BIK: variants seen among roughly 807,000 people sequenced by gnomAD.
The protein encoded by BIK is BCL2 interacting killer, also known as bcl-2-interacting killer.
A neutral mutation model predicts 12.1 loss-of-function variants in BIK; 14 were observed. That is an observed-to-expected ratio of 1.16 (90% CI 0.77 to 1.81). BIK has a LOEUF of 1.81. Among genes scored for constraint, BIK ranks in the 40% most tolerant of loss-of-function variants. The pLI is 0.00. For missense variants in BIK, 215 were observed against 207.9 expected (o/e 1.03, Z -0.21); for synonymous variants, 86 against 92.3 (o/e 0.93, Z 0.39).
chr22:43,127,655 C>T (rs1193791870), intron 2 of BIK, 42 bp from the exon 3 acceptor site: 2 of 1,515,322 alleles, frequency 1.3e-6, no homozygotes, highest in South Asian at 1.2e-5. Flanking sequence ...ATGTGGCCTC[C>T]ACGGCACAGC....
intron 2 of BIK, 84 bp downstream of exon 2, chr22:43,124,267 G>A (rs1239580670): frequency 6.6e-7 from 1 of 1,505,022 alleles, no homozygotes; most frequent in Non-Finnish European, 9.0e-7. Flanking sequence ...ATGAGCGGGG[G>A]AGCGCCTGCA....
Position 43,124,048 on chromosome 22 carries a change from G to T in BIK, c.26G>T (p.Arg9Ile), listed in dbSNP as rs1930266820. The change falls in exon 2 of 5, where the codon AGA (arginine) becomes ATA (isoleucine). Residue 9 changes from arginine to isoleucine, a missense_variant. By Grantham distance (97) the Arg-to-Ile change is moderately conservative. Coordinates refer to ENST00000216115, the MANE Select transcript of BIK (RefSeq NM_001197.5). ...ATGTCTGAAGTAAGACCCCTCTCCA[G>T]AGACATCTTGATGGAGACCCTCCTG... MSEVRPLS[R>I]DILMETLLYE... The T allele has an allele frequency of 6.2e-7, 1 of 1,614,030 alleles. No individual in the cohort carries two copies. Among genetic ancestry groups the T allele is most frequent in the South Asian group, 1.1e-5 (1 of 91,080 alleles).
chr22:43,121,903 G>A (rs543043875), intron 1 of BIK, among the ~76,000 whole-genome samples: 1 of 152,192 alleles, frequency 6.6e-6, no homozygotes, highest in South Asian at 2.1e-4. Flanking sequence ...GGCTAATTTT[G>A]TATTTTTATT....
At chr22:43,111,373 GAGCGGCGCGC>G (rs1346942690) in intron 1 of BIK, among the ~76,000 whole-genome samples, 1 of 152,218 alleles carries the variant, frequency 6.6e-6, no homozygotes, top group Non-Finnish European at 1.5e-5. Flanking sequence ...CGTGCACACG[GAGCGGCGCGC>G]AGCCGCCCGC....
At chr22:43,129,166 T>C (rs777973023) in intron 4 of BIK, 47 bp from the exon 5 acceptor site, 4 of 1,600,536 alleles carry the variant, frequency 2.5e-6, no homozygotes, top group East Asian at 4.5e-5. Flanking sequence ...TCTGGCCCCA[T>C]TGCCGGGGCC....
At position 43,119,168 on chromosome 22, in the gene BIK, C is replaced by T. The variant is rs375110142; in HGVS notation, c.-7-4848C>T. Among the ~76,000 whole-genome samples the T allele has an allele frequency of 9.9e-5, 15 of 151,792 alleles. No individual in the cohort carries two copies. The East Asian group carries it at 1.2e-3, about 12-fold the overall frequency. ...AGGGTAAAATAGGGCTTCTGACTGGCGCCTGGTGTTTCCACTGGTGAGTGT... is the reference window on the plus strand; with the variant it reads ...AGGGTAAAATAGGGCTTCTGACTGGTGCCTGGTGTTTCCACTGGTGAGTGT... On this transcript the variant is annotated intron_variant, in intron 1 of 4. Transcript: ENST00000216115.
At chr22:43,127,573 T>G (rs1930341685) in intron 2 of BIK, 124 bp from the exon 3 acceptor site, 1 of 838,154 alleles carries the variant, frequency 1.2e-6, no homozygotes. Flanking sequence ...CTGCCCCAAA[T>G]CTGACACCAT....
At position 43,129,464 on chromosome 22, in the gene BIK, G is replaced by T. The variant is rs989452062; in HGVS notation, c.*159G>T. 7 of 1,214,848 alleles carry T rather than the reference G, an allele frequency of 5.8e-6. No individual in the cohort carries two copies. The East Asian group carries it at 8.4e-5, about 15-fold the overall frequency. The allele number at this position is 1,214,848 out of a possible 1,614,324, so 75.3% of individuals were successfully genotyped here. A position where few individuals can be genotyped will look rare whatever the true frequency, so the allele number is the denominator to read the frequency against. On this transcript the variant is annotated 3_prime_UTR_variant, in exon 5 of 5. Coordinates refer to ENST00000216115, the MANE Select transcript of BIK (RefSeq NM_001197.5). ...AACACTGCTGAGGTTTTATACTCAGGTTTTTTGTTTTTTTTTTATTCCAGT... is the reference window on the plus strand; with the variant it reads ...AACACTGCTGAGGTTTTATACTCAGTTTTTTTGTTTTTTTTTTATTCCAGT...
At chr22:43,116,357 C>G (rs1300716444) in intron 1 of BIK, among the ~76,000 whole-genome samples, 1 of 152,132 alleles carries the variant, frequency 6.6e-6, no homozygotes, top group Non-Finnish European at 1.5e-5. Context: ...CTCACTGCAG[C>G]CTCAACCTCC....
chr22:43,127,813 T>G lies in BIK; in HGVS notation c.260+18T>G. ...ATGCACAGGTAGCCGGCCTATGCCC[T>G]ATGCCTCTACACCTGGGGAGGGGCC... On this transcript the variant is annotated intron_variant, in intron 3 of 4. Transcript: ENST00000216115. 1.3e-6 allele frequency: 2 copies of G among 1,543,314 alleles called. No individual in the cohort carries two copies. Among genetic ancestry groups the G allele is most frequent in the Middle Eastern group, 1.7e-4 (1 of 5,902 alleles).
At chr22:43,121,920 G>A (rs868667919) in intron 1 of BIK, among the ~76,000 whole-genome samples, 1 of 152,144 alleles carries the variant, frequency 6.6e-6, no homozygotes, top group Non-Finnish European at 1.5e-5. Flanking sequence ...TATTAGAGGC[G>A]GGGTTTTACC....
chr22:43,124,560 G>A (rs529181166), intron 2 of BIK, among the ~76,000 whole-genome samples: 13 of 152,320 alleles, frequency 8.5e-5, no homozygotes, highest in Admixed American at 7.2e-4. Flanking sequence ...AAGGGGACCC[G>A]ATCCAGATCC....
intron 1 of BIK, among the ~76,000 whole-genome samples, chr22:43,120,389 T>C (rs1213067887): frequency 1.3e-5 from 2 of 152,204 alleles, no homozygotes; most frequent in African/African-American, 2.4e-5. Flanking sequence ...CGTTTCACCA[T>C]GTTAGCCAGG....
At chr22:43,123,643 C>T (rs377275765) in intron 1 of BIK, among the ~76,000 whole-genome samples, 4 of 152,034 alleles carry the variant, frequency 2.6e-5, no homozygotes, top group Non-Finnish European at 5.9e-5. Flanking sequence ...CCCAGCTACT[C>T]GGGAGGCTGA....
In BIK at chr22:43,129,444, T is replaced by C; in HGVS notation, c.*139T>C. The C allele has an allele frequency of 3.7e-6, 5 of 1,346,914 alleles. No individual in the cohort carries two copies. The highest frequency in any genetic ancestry group is 4.9e-6 in the Non-Finnish European group (5 of 1,020,384). The allele number at this position is 1,346,914 out of a possible 1,614,324, so 83.4% of individuals were successfully genotyped here. On this transcript the variant is annotated 3_prime_UTR_variant, in exon 5 of 5. Transcript: ENST00000216115. ...AAACCCCGAGATAGTGCTGGAACAC[T>C]GCTGAGGTTTTATACTCAGGTTTTT...
At chr22:43,120,918 G>A (rs1930206873) in intron 1 of BIK, among the ~76,000 whole-genome samples, 1 of 152,216 alleles carries the variant, frequency 6.6e-6, no homozygotes, top group Non-Finnish European at 1.5e-5. Flanking sequence ...CCAAAGTGCT[G>A]TAATCCCAGT....
intron 1 of BIK, among the ~76,000 whole-genome samples, chr22:43,123,484 C>T (rs1031964958): frequency 1.3e-5 from 2 of 152,160 alleles, no homozygotes; most frequent in Non-Finnish European, 2.9e-5. Flanking sequence ...CGTGGTGGCT[C>T]ATGTCTGTCG....
intron 1 of BIK, among the ~76,000 whole-genome samples, chr22:43,119,839 T>G (rs1189472558): frequency 6.6e-6 from 1 of 152,100 alleles, no homozygotes; most frequent in African/African-American, 2.4e-5. Context: ...CCAAGTGCAG[T>G]GGTACATACC....
intron 1 of BIK, among the ~76,000 whole-genome samples, chr22:43,119,933 C>T (rs1422507809): frequency 6.6e-6 from 1 of 152,102 alleles, no homozygotes; most frequent in Admixed American, 6.6e-5. Context: ...CAGGCCACTG[C>T]ACTCCAGCCT....
Sources: gnomAD v4.1 joint callset for allele counts (sites outside exome capture counted in the v4.1 genomes callset) on GRCh38, gnomAD v4.1.1 for gene constraint, MANE v1.5 for transcripts, NCBI Gene and HGNC (gene_info 2026-07-23, HGNC 2026-07-21) for gene names.